The following PCNX1 variants were observed in gnomAD, a reference collection of about 807,000 sequenced individuals.
PCNX1 encodes the protein pecanex 1.
A neutral mutation model predicts 242.2 loss-of-function variants in PCNX1; 78 were observed. The ratio of observed to expected loss-of-function variants is 0.32; its 90% CI spans 0.27 to 0.39. PCNX1 has a LOEUF of 0.39. PCNX1 is among the 10% of genes least tolerant of loss of function. The pLI is 1.00. For missense variants in PCNX1, 2,581 were observed against 2,856.5 expected (o/e 0.90, Z 2.20); for synonymous variants, 1,024 against 1,032.9 (o/e 0.99, Z 0.17).
At chr14:71,066,130 T>C (rs1406961767) in intron 26 of PCNX1, among the ~76,000 whole-genome samples, 4 of 152,180 alleles carry the variant, frequency 2.6e-5, no homozygotes, top group African/African-American at 9.7e-5. Flanking sequence ...TTTAAAGTAG[T>C]TTTTCCTAAT....
intron 26 of PCNX1, among the ~76,000 whole-genome samples, chr14:71,061,800 A>G (rs1280421313): frequency 6.6e-6 from 1 of 152,170 alleles, no homozygotes; most frequent in Non-Finnish European, 1.5e-5. Context: ...TGGTGTGGAC[A>G]AGGATGACAT....
chr14:71,113,900 C>T lies in PCNX1; in HGVS notation c.*3965C>T, dbSNP rs1464222599. The T allele has an allele frequency of 6.6e-6, 1 of 151,894 alleles. No individual in the cohort carries two copies. Among genetic ancestry groups the T allele is most frequent in the African/African-American group, 2.4e-5 (1 of 41,358 alleles). 9.4% of individuals were successfully genotyped at this position (151,894 alleles called of 1,614,324 possible). A position where few individuals can be genotyped will look rare whatever the true frequency, so the allele number is the denominator to read the frequency against. On this transcript the variant is annotated 3_prime_UTR_variant, in exon 36 of 36. Transcript: ENST00000304743. ...GTTTTTTAAGTCGTCATTATTCATT[C>T]GTATTCTTTTTCTGTGTAATGTAAT... is the stretch of plus-strand genomic sequence containing the variant.
chr14:70,976,459 G>A (rs1230889460), intron 5 of PCNX1, among the ~76,000 whole-genome samples: 2 of 147,002 alleles, frequency 1.4e-5, no homozygotes, highest in Non-Finnish European at 3.0e-5. Flanking sequence ...TGCATGCTCC[G>A]CCTCCTGGGT....
intron 33 of PCNX1, among the ~76,000 whole-genome samples, chr14:71,107,889 T>C (rs763684971): frequency 6.6e-6 from 1 of 152,242 alleles, no homozygotes; most frequent in Non-Finnish European, 1.5e-5. Context: ...TGTTTTGATA[T>C]GTGAATATAT....
chr14:70,930,125 A>G (rs7149960), intron 1 of PCNX1, among the ~76,000 whole-genome samples: 4,235 of 151,098 alleles, frequency 0.028, 172 homozygotes, highest in African/African-American at 0.097. Flanking sequence ...GTGTGTGTGT[A>G]TGTGTGTATG....
intron 26 of PCNX1, among the ~76,000 whole-genome samples, chr14:71,057,968 C>T (rs953606209): frequency 1.3e-5 from 2 of 152,138 alleles, no homozygotes; most frequent in Admixed American, 6.5e-5. Context: ...GATTTGTTTT[C>T]CTAGATATGT....
At chr14:70,988,818 C>A (rs1391542052) in intron 7 of PCNX1, 119 bp downstream of exon 7, 3 of 1,287,134 alleles carry the variant, frequency 2.3e-6, no homozygotes, top group Non-Finnish European at 3.2e-6. Flanking sequence ...CTGTTTCTTT[C>A]CTATACATTT....
intron 13 of PCNX1, among the ~76,000 whole-genome samples, chr14:71,025,316 T>C (rs959383958): frequency 3.9e-5 from 6 of 152,186 alleles, no homozygotes; most frequent in African/African-American, 1.4e-4. Flanking sequence ...CCTTTTGACA[T>C]ATCTCTGTCA....
chr14:70,968,647 C>T (rs1041238337), intron 4 of PCNX1, among the ~76,000 whole-genome samples: 2 of 152,264 alleles, frequency 1.3e-5, no homozygotes, highest in East Asian at 1.9e-4. Context: ...CAGATAAATT[C>T]GTATTGTTTT....
intron 6 of PCNX1, among the ~76,000 whole-genome samples, chr14:70,981,504 T>C (rs2058839595): frequency 6.6e-6 from 1 of 152,208 alleles, no homozygotes; most frequent in Non-Finnish European, 1.5e-5. Flanking sequence ...TCTTTTTTAG[T>C]CACGTAACAA....
chr14:70,936,832 T>C (rs2057024765), intron 1 of PCNX1, among the ~76,000 whole-genome samples: 1 of 152,194 alleles, frequency 6.6e-6, no homozygotes, highest in South Asian at 2.1e-4. Flanking sequence ...TTCTAACTGG[T>C]GTGAGATGGT....
Position 70,911,889 on chromosome 14 carries a change from C to G in PCNX1, c.153+3886C>G, listed in dbSNP as rs375995058. Among the ~76,000 whole-genome samples the G allele has an allele frequency of 9.2e-5, 14 of 152,228 alleles. No homozygotes were observed. In the East Asian group the frequency reaches 2.5e-3, roughly 27 times the overall value. On this transcript the variant is annotated intron_variant, in intron 1 of 35. Transcript: ENST00000304743. ...TTATTAAGTCAAATCATTTTCATAA[C>G]ATATTGCTCAATATATTGTTTTCCT...
rs779129952 is a variant in PCNX1, at chr14:71,050,845, G to A, written c.4447+85G>A. The A allele has an allele frequency of 6.4e-4, 791 of 1,241,164 alleles. 6 individuals carry two copies. Among genetic ancestry groups the A allele is most frequent in the Non-Finnish European group, 4.7e-4 (411 of 875,410 alleles). 76.9% of individuals were successfully genotyped at this position (1,241,164 alleles called of 1,614,324 possible). A position where few individuals can be genotyped will look rare whatever the true frequency, so the allele number is the denominator to read the frequency against. On this transcript the variant is annotated intron_variant, in intron 23 of 35. Transcript: ENST00000304743. ...GTTTATAGGCATGACCTTTCATGGT[G>A]TAAGTTTACTGTGTAATGAATTATC... is the stretch of plus-strand genomic sequence containing the variant.
intron 1 of PCNX1, among the ~76,000 whole-genome samples, chr14:70,927,307 C>G (rs1254944903): frequency 6.6e-6 from 1 of 152,144 alleles, no homozygotes; most frequent in Non-Finnish European, 1.5e-5. Context: ...GTAGGATATG[C>G]TCTTCTACGT....
At chr14:70,999,897 T>C (rs1289783508) in intron 8 of PCNX1, among the ~76,000 whole-genome samples, 1 of 152,188 alleles carries the variant, frequency 6.6e-6, no homozygotes, top group Non-Finnish European at 1.5e-5. Context: ...TTTTGGGCTA[T>C]TAGTACTTGT....
intron 1 of PCNX1, among the ~76,000 whole-genome samples, chr14:70,941,783 T>A (rs2057257619): frequency 6.6e-6 from 1 of 152,172 alleles, no homozygotes; most frequent in South Asian, 2.1e-4. Context: ...CTTCACCCAG[T>A]TAGAGCTTCC....
rs765839562 is a variant in PCNX1, at chr14:70,962,329, C to CAGGT, written c.468+2_468+5dup. On this transcript the variant is annotated frameshift_variant and splice_region_variant, in exon 3 of 36. Transcript: ENST00000304743. LOFTEE classifies it high-confidence loss of function. The stretch of plus-strand genomic sequence containing the variant: ...TTATGCCGGTCTAGATCCAAGCAAC[C>CAGGT]AGGTAGGAACCTGCGCTGTTTTATT... The CAGGT allele has an allele frequency of 3.1e-6, 5 of 1,587,890 alleles. No homozygotes were observed. The highest frequency in any genetic ancestry group is 4.3e-6 in the Non-Finnish European group (5 of 1,156,202).
At chr14:70,981,218 G>C (rs747434571) in intron 6 of PCNX1, among the ~76,000 whole-genome samples, 2 of 152,150 alleles carry the variant, frequency 1.3e-5, no homozygotes, top group African/African-American at 4.8e-5. Flanking sequence ...ATGCTTACTA[G>C]TGCTGCTGTG....
At chr14:70,913,498 A>G (rs1184226555) in intron 1 of PCNX1, among the ~76,000 whole-genome samples, 2 of 152,248 alleles carry the variant, frequency 1.3e-5, no homozygotes, top group Non-Finnish European at 2.9e-5. Flanking sequence ...ACATACATAC[A>G]TGATATATAC....
Sources: allele counts gnomAD v4.1 joint callset (sites outside exome capture counted in the v4.1 genomes callset), GRCh38; gene constraint gnomAD v4.1.1; transcripts MANE v1.5; gene names NCBI Gene and HGNC (gene_info 2026-07-23, HGNC 2026-07-21).